Variants in ONECUT1 observed in about 807,000 individuals in gnomAD.
ONECUT1 encodes hepatocyte nuclear factor 6.
A neutral mutation model predicts 25.6 loss-of-function variants in ONECUT1; 12 were observed. The observed-to-expected ratio is 0.47, with a 90% CI of 0.30 to 0.76. The LOEUF is 0.76. Among genes scored for constraint, ONECUT1 ranks in the 30% least tolerant of loss-of-function variants. The pLI is 0.07. For synonymous variants in ONECUT1, 285 were observed against 270.2 expected, an observed-to-expected ratio of 1.05 and a Z score of -0.54; for missense variants, 620 against 651.2, an observed-to-expected ratio of 0.95 and a Z score of 0.52.
chr15:52,771,481 A>G (rs555928241), intron 1 of ONECUT1, among the ~76,000 whole-genome samples: 1 of 151,240 alleles, frequency 6.6e-6, no homozygotes, highest in Non-Finnish European at 1.5e-5. Context: ...GTCTGTGTAT[A>G]TATCTATGGA....
intron 1 of ONECUT1, among the ~76,000 whole-genome samples, chr15:52,759,060 A>G (rs2083690282): frequency 6.6e-6 from 1 of 152,190 alleles, no homozygotes; most frequent in Non-Finnish European, 1.5e-5. Flanking sequence ...GGCGTTCTAG[A>G]GCAGCCACTG....
chr15:52,760,153 T>C (rs1051835466), intron 1 of ONECUT1, among the ~76,000 whole-genome samples: 15 of 152,194 alleles, frequency 9.9e-5, no homozygotes, highest in Non-Finnish European at 2.1e-4. Context: ...TTGCTATGCC[T>C]CTTGCCCACC....
intron 1 of ONECUT1, among the ~76,000 whole-genome samples, chr15:52,767,216 G>T (rs1010104333): frequency 3.3e-5 from 5 of 152,196 alleles, no homozygotes; most frequent in Admixed American, 3.3e-4. Flanking sequence ...ACATCGGGAG[G>T]TACACCTCCC....
Position 52,777,737 on chromosome 15 carries a change from C to CAAAAAAAAAAA in ONECUT1, c.1105+11042_1105+11043insTTTTTTTTTTT, listed in dbSNP as rs1555416122. ...ACACACACACACACACACACACACACAAAAAAACATGTAAAGTTATTTGTT... is the reference window on the plus strand; with the variant it reads ...ACACACACACACACACACACACACACAAAAAAAAAAAAAAAAAACATGTAAAGTTATTTGTT... On this transcript the variant is annotated intron_variant, in intron 1 of 1. Coordinates refer to ENST00000305901, the MANE Select transcript of ONECUT1 (RefSeq NM_004498.4). Among the ~76,000 whole-genome samples the CAAAAAAAAAAA allele has an allele frequency of 9.2e-4, 95 of 103,414 alleles. 3 individuals carry two copies. Among genetic ancestry groups the CAAAAAAAAAAA allele is most frequent in the Non-Finnish European group, 1.1e-3 (57 of 51,096 alleles). The allele number at this position is 103,414 out of a possible 152,430, so 67.8% of individuals were successfully genotyped here.
intron 1 of ONECUT1, among the ~76,000 whole-genome samples, chr15:52,766,956 T>C (rs2083738131): frequency 1.3e-5 from 2 of 152,126 alleles, no homozygotes; most frequent in Admixed American, 1.3e-4. Flanking sequence ...CCAGGAGAGA[T>C]GGGAACCCTG....
chr15:52,779,141 TG>T (rs1326570541), intron 1 of ONECUT1, among the ~76,000 whole-genome samples: 1 of 152,182 alleles, frequency 6.6e-6, no homozygotes, highest in Non-Finnish European at 1.5e-5. Context: ...TGGAGTGCAG[TG>T]GTGTGATCTA....
intron 1 of ONECUT1, among the ~76,000 whole-genome samples, chr15:52,762,758 T>A (rs1362878454): frequency 6.6e-6 from 1 of 152,088 alleles, no homozygotes; most frequent in Admixed American, 6.5e-5. Context: ...ATCAGTAAAA[T>A]GGAGAGTAGA....
At chr15:52,775,895 T>C (rs867146391) in intron 1 of ONECUT1, among the ~76,000 whole-genome samples, 8 of 152,354 alleles carry the variant, frequency 5.3e-5, no homozygotes, top group African/African-American at 1.9e-4. Flanking sequence ...TCTACTCTGC[T>C]GTTCTCTTTG....
Position 52,762,623 on chromosome 15 carries a change from G to C in ONECUT1, c.1106-4776C>G, listed in dbSNP as rs374862758. Among the ~76,000 whole-genome samples the C allele has an allele frequency of 2.0e-5, 3 of 152,312 alleles. No homozygotes were observed. In the East Asian group the frequency reaches 5.8e-4, roughly 29 times the overall value. On this transcript the variant is annotated intron_variant, in intron 1 of 1. Transcript: ENST00000305901. The stretch of plus-strand genomic sequence containing the variant: ...TCCAGGACGCCCTGGCCTAGGGCCT[G>C]GTTGTAAGGGCAGATCAGTATCCAC...
chr15:52,787,643 G>A (rs1433305155), intron 1 of ONECUT1: 3 of 137,808 alleles, frequency 2.2e-5, no homozygotes, highest in South Asian at 2.4e-4. Flanking sequence ...GGGTGGGGGA[G>A]TGGGGGGGGA....
intron 1 of ONECUT1, chr15:52,786,977 G>C (rs1468452705): frequency 6.6e-6 from 1 of 152,454 alleles, no homozygotes; most frequent in Non-Finnish European, 1.5e-5. Context: ...CCTGGCTCTG[G>C]GGTGGTGTGG....
chr15:52,757,218 C>A lies in ONECUT1; in HGVS notation c.*337G>T, dbSNP rs888132351. The A allele has an allele frequency of 5.0e-5, 13 of 258,182 alleles. No individual in the cohort carries two copies. The highest frequency in any genetic ancestry group is 8.1e-5 in the Non-Finnish European group (11 of 135,050). The allele number at this position is 258,182 out of a possible 1,614,324, so 16.0% of individuals were successfully genotyped here. A position where few individuals can be genotyped will look rare whatever the true frequency, so the allele number is the denominator to read the frequency against. ...GGTAGAACAGATGAGAAAGTTCGAT[C>A]TTAAAAGATGTCCGCTCAATGGCTC... is the stretch of plus-strand genomic sequence containing the variant. On this transcript the variant is annotated 3_prime_UTR_variant, in exon 2 of 2. Coordinates refer to ENST00000305901, the MANE Select transcript of ONECUT1 (RefSeq NM_004498.4).
chr15:52,784,124 A>AC lies in ONECUT1; in HGVS notation c.1105+4655dup, dbSNP rs576858772. Among the ~76,000 whole-genome samples the AC allele has an allele frequency of 2.9e-3, 441 of 152,274 alleles. 4 individuals are homozygous for AC. Among genetic ancestry groups the AC allele is most frequent in the Admixed American group, 7.3e-3 (112 of 15,298 alleles). ...GCCGCAGCCGCAGCACAGCCCGGCT[A>AC]CCCCCAGAAAGGGAGCCGAATGGAG... On this transcript the variant is annotated intron_variant, in intron 1 of 1. Coordinates refer to ENST00000305901, the MANE Select transcript of ONECUT1 (RefSeq NM_004498.4). The surrounding 1 kb of genome is among the most constrained non-coding windows in gnomAD (Gnocchi z 5.0).
At chr15:52,772,578 A>G (rs2083775109) in intron 1 of ONECUT1, among the ~76,000 whole-genome samples, 1 of 152,100 alleles carries the variant, frequency 6.6e-6, no homozygotes, top group African/African-American at 2.4e-5. Flanking sequence ...ACTTGTCTGA[A>G]TTTACTGCCA....
chr15:52,779,685 T>A (rs1374215692), intron 1 of ONECUT1, among the ~76,000 whole-genome samples: 1 of 152,174 alleles, frequency 6.6e-6, no homozygotes, highest in Non-Finnish European at 1.5e-5. Flanking sequence ...TCATTAAATT[T>A]AAAATCATCT....
Position 52,790,131 on chromosome 15 carries a change from C to CTTT in ONECUT1, c.-250_-248dup. ...CCCACCTTCCCCTCTGCGTCCTCGG[C>CTTT]TTTTTTTTTTTTAATATTAATTTCC... On this transcript the variant is annotated 5_prime_UTR_variant, in exon 1 of 2. Coordinates refer to ENST00000305901, the MANE Select transcript of ONECUT1 (RefSeq NM_004498.4). 2.6e-6 allele frequency: 1 copy of CTTT among 383,202 alleles called. No homozygotes were observed. The highest frequency in any genetic ancestry group is 4.2e-6 in the Non-Finnish European group (1 of 235,596). The allele number at this position is 383,202 out of a possible 1,614,324, so 23.7% of individuals were successfully genotyped here.
In ONECUT1 at chr15:52,755,643, T is replaced by G. The variant is rs1486070979; in HGVS notation, c.*1912A>C. ...TTTGATGCTAAGGAGTTATGTTTTG[T>G]GTCAAGATGGTTCAGTTTTGTTCTT... is the stretch of plus-strand genomic sequence containing the variant. On this transcript the variant is annotated 3_prime_UTR_variant, in exon 2 of 2. Transcript: ENST00000305901. 6.6e-6 allele frequency among the ~76,000 whole-genome samples: 1 copy of G among 152,238 alleles called. No individual in the cohort carries two copies. Among genetic ancestry groups the G allele is most frequent in the Non-Finnish European group, 1.5e-5 (1 of 68,042 alleles).
At chr15:52,766,097 A>G (rs770808868) in intron 1 of ONECUT1, among the ~76,000 whole-genome samples, 1 of 152,232 alleles carries the variant, frequency 6.6e-6, no homozygotes, top group Non-Finnish European at 1.5e-5. Flanking sequence ...AAGAACATGC[A>G]GAGAGCAGAC....
chr15:52,774,347 C>G (rs1174218802), intron 1 of ONECUT1, among the ~76,000 whole-genome samples: 1 of 150,194 alleles, frequency 6.7e-6, no homozygotes, highest in Non-Finnish European at 1.5e-5. Context: ...GTTGCCCAAG[C>G]TGGAGTGCAA....
Sources: allele counts gnomAD v4.1 joint callset (sites outside exome capture counted in the v4.1 genomes callset), GRCh38; gene constraint gnomAD v4.1.1; non-coding constraint Gnocchi (gnomAD v3.1); transcripts MANE v1.5; gene names NCBI Gene and HGNC (gene_info 2026-07-23, HGNC 2026-07-21).